The following TEC variants were observed in gnomAD, a reference collection of about 807,000 sequenced individuals.
TEC encodes the protein tec protein tyrosine kinase, also known as tyrosine-protein kinase Tec.
TEC carries 72 observed loss-of-function variants against 93.0 expected under a neutral mutation model. The ratio of observed to expected loss-of-function variants is 0.77; its 90% confidence interval spans 0.64 to 0.94. The LOEUF is 0.94. Among genes scored for constraint, TEC ranks in the 40% least tolerant of loss-of-function variants. The pLI, the probability that TEC is intolerant of heterozygous loss-of-function variation, is 0.00. For synonymous variants in TEC, 249 were observed against 247.7 expected (o/e 1.01, Z -0.05); for missense variants, 630 against 757.9 (o/e 0.83, Z 1.98).
intron 1 of TEC, among the ~76,000 whole-genome samples, chr4:48,241,956 T>C (rs1444292457): frequency 2.0e-5 from 3 of 152,236 alleles, no homozygotes; most frequent in Non-Finnish European, 4.4e-5. Context: ...CATGAGGCAC[T>C]AAGGTGGTTA....
At chr4:48,229,995 A>G (rs562516836) in intron 1 of TEC, among the ~76,000 whole-genome samples, 2 of 151,954 alleles carry the variant, frequency 1.3e-5, no homozygotes, top group African/African-American at 4.8e-5. Flanking sequence ...GAATCGCTTG[A>G]ACCTGGGAGG....
chr4:48,168,081 A>G (rs753357693), intron 6 of TEC, 128 bp from the exon 7 acceptor site: 7 of 774,778 alleles, frequency 9.0e-6, no homozygotes, highest in Non-Finnish European at 1.4e-5. Context: ...ACTATAATCC[A>G]ACAAACTCTC....
intron 2 of TEC, among the ~76,000 whole-genome samples, chr4:48,217,246 G>C (rs113229436): frequency 0.25 from 37,787 of 152,044 alleles, 5,451 homozygotes; most frequent in Admixed American, 0.33. Flanking sequence ...TGGGATTACA[G>C]GTGCCCGCCA....
At chr4:48,144,970 A>AAG in intron 14 of TEC, 109 bp downstream of exon 14, 2 of 927,776 alleles carry the variant, frequency 2.2e-6, no homozygotes, top group Non-Finnish European at 3.4e-6. Context: ...ATAATGGTGA[A>AAG]AGATTGTTAA....
chr4:48,215,103 A>C (rs1217435701), intron 2 of TEC, among the ~76,000 whole-genome samples: 5 of 151,824 alleles, frequency 3.3e-5, no homozygotes, highest in Admixed American at 1.3e-4. Flanking sequence ...CAGTAAGCCA[A>C]GATCATGCCA....
chr4:48,236,081 A>G (rs932032915), intron 1 of TEC, among the ~76,000 whole-genome samples: 1 of 152,198 alleles, frequency 6.6e-6, no homozygotes, highest in Non-Finnish European at 1.5e-5. Context: ...TTCAATCTCC[A>G]GATTTCAACA....
intron 7 of TEC, among the ~76,000 whole-genome samples, chr4:48,167,110 C>G (rs1408235262): frequency 6.6e-6 from 1 of 152,078 alleles, no homozygotes. Context: ...TCATCCCCTA[C>G]AGTTACCCCT....
intron 2 of TEC, among the ~76,000 whole-genome samples, chr4:48,200,295 G>C (rs536492159): frequency 6.6e-6 from 1 of 152,230 alleles, no homozygotes; most frequent in South Asian, 2.1e-4. Context: ...GGAGTGAGGA[G>C]AAAGAATTGC....
chr4:48,158,806 G>A (rs1448986090), intron 8 of TEC, among the ~76,000 whole-genome samples: 6 of 152,168 alleles, frequency 3.9e-5, no homozygotes, highest in Admixed American at 3.9e-4. Flanking sequence ...GAGGAGGAAA[G>A]AAGGAATCCA....
intron 14 of TEC, among the ~76,000 whole-genome samples, chr4:48,143,879 G>T (rs1163135863): frequency 6.6e-6 from 1 of 152,120 alleles, no homozygotes; most frequent in African/African-American, 2.4e-5. Flanking sequence ...AAGTTTATTT[G>T]TAAAATACTT....
At chr4:48,176,985 C>T (rs374219675) in intron 2 of TEC, among the ~76,000 whole-genome samples, 1 of 152,146 alleles carries the variant, frequency 6.6e-6, no homozygotes, top group Non-Finnish European at 1.5e-5. Context: ...TTAAAATATT[C>T]ACAGAAAGCT....
rs34965891 is a variant in TEC at position 48,199,455 on chromosome 4, C to CTTTTT, written c.139-23274_139-23270dup. Among the ~76,000 whole-genome samples, 472 of 67,402 alleles carry CTTTTT rather than the reference C, an allele frequency of 7.0e-3. 14 individuals carry two copies. The highest frequency in any genetic ancestry group is 0.015 in the South Asian group (22 of 1,506). 44.2% of individuals were successfully genotyped at this position (67,402 alleles called of 152,430 possible). On this transcript the variant is annotated intron_variant, in intron 2 of 17. Coordinates refer to ENST00000381501, the MANE Select transcript of TEC (RefSeq NM_003215.3). ...CTGGGCTACAGAAAGGATTTTCTTT[C>CTTTTT]TTTTTTTTTTTTTTTTTTTTTTTTT...
chr4:48,199,425 CCAGTCTGGGCTACAGAAAGGA>C (rs1415288719), intron 2 of TEC, among the ~76,000 whole-genome samples: 5 of 150,684 alleles, frequency 3.3e-5, no homozygotes, highest in Non-Finnish European at 7.4e-5. Context: ...CCACTGCACT[CCAGTCTGGGCTACAGAAAGGA>C]TTTTCTTTCT....
chr4:48,167,097 T>C (rs2109540863), intron 7 of TEC, among the ~76,000 whole-genome samples: 1 of 152,236 alleles, frequency 6.6e-6, no homozygotes, highest in South Asian at 2.1e-4. Context: ...GCCTGCAAGA[T>C]ACTCATCCCC....
At chr4:48,140,572 C>T (rs1719616795) in intron 15 of TEC, among the ~76,000 whole-genome samples, 1 of 152,182 alleles carries the variant, frequency 6.6e-6, no homozygotes, top group Non-Finnish European at 1.5e-5. Context: ...GCCATACAGT[C>T]CCCGTGACAA....
intron 1 of TEC, among the ~76,000 whole-genome samples, chr4:48,245,019 G>A (rs1203472551): frequency 3.3e-5 from 5 of 152,186 alleles, no homozygotes; most frequent in Non-Finnish European, 7.3e-5. Flanking sequence ...ATTAGGCCGA[G>A]CACAGTGGCT....
chr4:48,211,092 C>G lies in TEC; in HGVS notation c.138+17385G>C, dbSNP rs1480351092. Among the ~76,000 whole-genome samples the G allele has an allele frequency of 5.3e-5, 8 of 152,138 alleles. No homozygotes were observed. The East Asian group carries it at 1.3e-3, about 26-fold the overall frequency. ...GACACAGAGAGATTAAGTAATTTGT[C>G]CTAGGTCATGCAATTAATAAGTAAC... is the stretch of plus-strand genomic sequence containing the variant. On this transcript the variant is annotated intron_variant, in intron 2 of 17. Transcript: ENST00000381501.
chr4:48,174,763 T>C (rs1339251103), intron 3 of TEC, among the ~76,000 whole-genome samples: 1 of 152,154 alleles, frequency 6.6e-6, no homozygotes, highest in African/African-American at 2.4e-5. Context: ...TTATCTTACT[T>C]CTAGATCCAG....
At chr4:48,159,044 C>T (rs1399608923) in intron 8 of TEC, among the ~76,000 whole-genome samples, 2 of 150,494 alleles carry the variant, frequency 1.3e-5, no homozygotes, top group African/African-American at 4.9e-5. Context: ...TTCTTGGTGG[C>T]TTCTTTCTCC....
Sources: gnomAD v4.1 joint callset for allele counts (sites outside exome capture counted in the v4.1 genomes callset) on GRCh38, gnomAD v4.1.1 for gene constraint, MANE v1.5 for transcripts, NCBI Gene and HGNC (gene_info 2026-07-23, HGNC 2026-07-21) for gene names.